Variants in VGLL4 observed in about 807,000 individuals in gnomAD.
VGLL4 encodes transcription cofactor vestigial-like protein 4.
In VGLL4, 7 loss-of-function variants were observed where a neutral mutation model predicts 21.0. That is an observed-to-expected ratio of 0.33 (90% CI 0.19 to 0.63). VGLL4 has a LOEUF of 0.63. Ranked by LOEUF, VGLL4 falls within the 20% of genes least tolerant of loss-of-function variation. The probability of loss-of-function intolerance (pLI) is 0.78; values close to 1 mark genes in which losing one functional copy is unlikely to be tolerated. For synonymous variants in VGLL4, 222 were observed against 173.2 expected, an observed-to-expected ratio of 1.28 and a Z score of -2.21; for missense variants, 394 against 425.7, an observed-to-expected ratio of 0.93 and a Z score of 0.66.
At chr3:11,559,605 T>C in intron 3 of VGLL4, 150 bp from the exon 4 acceptor site, 1 of 1,246,286 alleles carries the variant, frequency 8.0e-7, no homozygotes, top group Non-Finnish European at 1.1e-6. Context: ...GTCCTGTTGC[T>C]AAACACAGCC....
chr3:11,668,784 C>T (rs2076163468), intron 2 of VGLL4, among the ~76,000 whole-genome samples: 1 of 152,236 alleles, frequency 6.6e-6, no homozygotes. Context: ...GGCTGACAGC[C>T]CTGCTCTCAT....
intron 1 of VGLL4, among the ~76,000 whole-genome samples, chr3:11,624,694 A>T (rs766347516): frequency 1.3e-5 from 2 of 152,148 alleles, no homozygotes; most frequent in Non-Finnish European, 2.9e-5. Context: ...AAAACAACTC[A>T]TTCCCCAAAA....
At chr3:11,629,024 C>T (rs193089414) in intron 1 of VGLL4, among the ~76,000 whole-genome samples, 3 of 152,180 alleles carry the variant, frequency 2.0e-5, no homozygotes, top group Admixed American at 2.0e-4. Context: ...GAGGTGTTTG[C>T]ATAAATGATG....
chr3:11,601,286 G>A (rs577907693), intron 2 of VGLL4, among the ~76,000 whole-genome samples: 1 of 152,226 alleles, frequency 6.6e-6, no homozygotes, highest in African/African-American at 2.4e-5. Flanking sequence ...GTGGCACCTT[G>A]TCATGAGCAT....
intron 2 of VGLL4, among the ~76,000 whole-genome samples, chr3:11,593,893 T>TA (rs2074568647): frequency 6.6e-6 from 1 of 152,216 alleles, no homozygotes; most frequent in East Asian, 1.9e-4. Context: ...AGTGGGTCTG[T>TA]GGCAAACACA....
chr3:11,649,329 C>CAT lies in VGLL4; in HGVS notation c.65-47309_65-47308dup, dbSNP rs1004753284. Among the ~76,000 whole-genome samples, 40 of 151,266 alleles carry CAT rather than the reference C, an allele frequency of 2.6e-4. 1 individual carries two copies. Among genetic ancestry groups the CAT allele is most frequent in the African/African-American group, 6.9e-4 (28 of 40,748 alleles). On this transcript the variant is annotated intron_variant, in intron 2 of 5. Transcript: ENST00000273038. ...GTGCTAATGTATTTATGAAAACATA[C>CAT]ATATATATATAGGAAAAAGTATACA...
intron 2 of VGLL4, among the ~76,000 whole-genome samples, chr3:11,680,173 TGTGCAGTGGGCTGA>T (rs1037862421): frequency 5.3e-5 from 8 of 152,178 alleles, no homozygotes; most frequent in Admixed American, 2.0e-4. Flanking sequence ...ACAGCCTAGG[TGTGCAGTGGGCTGA>T]GTGCAGTGGG....
At chr3:11,604,247 C>G in intron 1 of VGLL4, 1 of 458,256 alleles carries the variant, frequency 2.2e-6, no homozygotes, top group Non-Finnish European at 2.8e-6. Context: ...TTGCCGGCGC[C>G]GGAAGGAGCC....
chr3:11,657,085 G>A (rs2075969385), intron 2 of VGLL4, among the ~76,000 whole-genome samples: 2 of 152,178 alleles, frequency 1.3e-5, no homozygotes, highest in Admixed American at 6.5e-5. Flanking sequence ...ACTGGATACA[G>A]AGTCAGAAAA....
At chr3:11,681,603 T>C (rs988185855) in intron 2 of VGLL4, among the ~76,000 whole-genome samples, 2 of 152,202 alleles carry the variant, frequency 1.3e-5, no homozygotes, top group African/African-American at 2.4e-5. Flanking sequence ...AGAAAAAACA[T>C]GAACTATTAG....
At chr3:11,641,312 A>G (rs1313850120) in intron 1 of VGLL4, among the ~76,000 whole-genome samples, 1 of 152,190 alleles carries the variant, frequency 6.6e-6, no homozygotes, top group Admixed American at 6.5e-5. Context: ...ACTGTGCCCT[A>G]AATGAAATCA....
intron 1 of VGLL4, among the ~76,000 whole-genome samples, chr3:11,640,579 G>T (rs191197041): frequency 6.6e-6 from 1 of 152,140 alleles, no homozygotes; most frequent in East Asian, 1.9e-4. Context: ...CGATTCTTCC[G>T]GCCCTCTCCC....
At chr3:11,689,971 G>A (rs1354548691) in intron 2 of VGLL4, among the ~76,000 whole-genome samples, 2 of 152,134 alleles carry the variant, frequency 1.3e-5, no homozygotes, top group African/African-American at 4.8e-5. Context: ...GAGCCCGCAG[G>A]GATCTGACAC....
chr3:11,564,911 G>A lies in VGLL4; in HGVS notation c.381C>T (p.Tyr127=). 6.2e-7 allele frequency: 1 copy of A among 1,601,628 alleles called. No homozygotes were observed. The highest frequency in any genetic ancestry group is 8.5e-7 in the Non-Finnish European group (1 of 1,174,458). ...CCAGGCCAAGGCTGGGGAGGGAGGT[G>A]TACAGGTGGCTGCCGTGCAGGCTCA... The part of the protein sequence containing the change: ...PTMSLHGSHL[Y]TSLPSLGLEQ... The change falls in exon 3 of 5, where the codon TAC becomes TAT. Residue 127 remains tyrosine (Y), a synonymous_variant. Coordinates refer to ENST00000430365, the MANE Select transcript of VGLL4 (RefSeq NM_001128219.3).
intron 2 of VGLL4, among the ~76,000 whole-genome samples, chr3:11,584,191 T>C (rs1351401203): frequency 6.6e-6 from 1 of 152,202 alleles, no homozygotes; most frequent in African/African-American, 2.4e-5. Context: ...ATCCTTAATA[T>C]GAAGAGTCGT....
At chr3:11,564,015 C>T (rs908155915) in intron 3 of VGLL4, among the ~76,000 whole-genome samples, 4 of 152,178 alleles carry the variant, frequency 2.6e-5, no homozygotes, top group African/African-American at 9.7e-5. Flanking sequence ...AGCCCGGAGG[C>T]ACCCCCTCGG....
intron 2 of VGLL4, among the ~76,000 whole-genome samples, chr3:11,595,853 GGA>G (rs1559887748): frequency 4.7e-4 from 1 of 2,138 alleles, no homozygotes; most frequent in Non-Finnish European, 1.3e-3. Context: ...GGGGGGGCGG[GGA>G]ATAGCATTAG....
intron 2 of VGLL4, among the ~76,000 whole-genome samples, chr3:11,670,189 T>C (rs906099090): frequency 6.7e-6 from 1 of 150,288 alleles, no homozygotes; most frequent in African/African-American, 2.4e-5. Flanking sequence ...CCTCCCTTTT[T>C]CTACGCCCCT....
In VGLL4 at chr3:11,653,044, T is replaced by C. The variant is rs1441731861; in HGVS notation, c.64+49927A>G. Among the ~76,000 whole-genome samples, 1 of 152,286 alleles carries C rather than the reference T, an allele frequency of 6.6e-6. No homozygotes were observed. Among genetic ancestry groups the C allele is most frequent in the African/African-American group, 2.4e-5 (1 of 41,550 alleles). ...CTAGAACTGACTTCCATGGTAAAAATAGAAGAACTGGAGAAAATGTCCCAA... is the reference window on the plus strand; with the variant it reads ...CTAGAACTGACTTCCATGGTAAAAACAGAAGAACTGGAGAAAATGTCCCAA... On this transcript the variant is annotated intron_variant, in intron 2 of 5. Coordinates refer to the VGLL4 transcript ENST00000273038. This position sits in a 1 kb window ranked among gnomAD's most constrained non-coding sequence, Gnocchi z 4.2.
Sources: allele counts gnomAD v4.1 joint callset (sites outside exome capture counted in the v4.1 genomes callset), GRCh38; gene constraint gnomAD v4.1.1; non-coding constraint Gnocchi (gnomAD v3.1); transcripts MANE v1.5; gene names NCBI Gene and HGNC (gene_info 2026-07-23, HGNC 2026-07-21).